ATAD2: variants seen among roughly 807,000 people sequenced by gnomAD.
The protein encoded by ATAD2 is ATPase family AAA domain-containing protein 2.
In ATAD2, 62 loss-of-function variants were observed where a neutral mutation model predicts 168.9. The observed-to-expected ratio is 0.37, with a 90% CI of 0.30 to 0.45. ATAD2 has a LOEUF of 0.45. ATAD2 is among the 20% of genes least tolerant of loss of function. The pLI is 1.00. For synonymous variants in ATAD2, 613 were observed against 571.6 expected, an observed-to-expected ratio of 1.07 and a Z score of -1.03; for missense variants, 1,419 against 1,667.8, an observed-to-expected ratio of 0.85 and a Z score of 2.60.
At chr8:123,357,860 A>G (rs571060510) in intron 11 of ATAD2, 124 bp from the exon 12 acceptor site, 3 of 994,502 alleles carry the variant, frequency 3.0e-6, no homozygotes, top group East Asian at 2.7e-5. Context: ...CAACTGAATT[A>G]TGGTACAGTT....
intron 24 of ATAD2, among the ~76,000 whole-genome samples, chr8:123,331,304 A>G (rs1413805614): frequency 1.3e-5 from 2 of 151,692 alleles, no homozygotes; most frequent in African/African-American, 4.9e-5. Flanking sequence ...CAGTGATGCA[A>G]TCTGGCTCAC....
chr8:123,352,638 C>A (rs1432532156), intron 13 of ATAD2: 1 of 150,330 alleles, frequency 6.7e-6, no homozygotes, highest in African/African-American at 2.5e-5. Flanking sequence ...TTTGGTTGCA[C>A]TGGAAAGAAA....
At chr8:123,356,114 G>A (rs1248476780) in intron 13 of ATAD2, 2 of 168,366 alleles carry the variant, frequency 1.2e-5, no homozygotes, top group Non-Finnish European at 2.5e-5. Flanking sequence ...TTTTTTAGTA[G>A]AGACAGGATT....
At chr8:123,387,220 A>G (rs920762770) in intron 1 of ATAD2, among the ~76,000 whole-genome samples, 1 of 152,130 alleles carries the variant, frequency 6.6e-6, no homozygotes, top group Non-Finnish European at 1.5e-5. Flanking sequence ...CATGTCATTA[A>G]ATATTACTCT....
At chr8:123,338,827 G>A (rs966042481) in intron 20 of ATAD2, among the ~76,000 whole-genome samples, 13 of 152,130 alleles carry the variant, frequency 8.5e-5, no homozygotes, top group Non-Finnish European at 1.2e-4. Context: ...GAGCCCAGGA[G>A]GTTGAGGCTG....
At chr8:123,370,728 A>G (rs1829126017) in intron 6 of ATAD2, among the ~76,000 whole-genome samples, 175 bp downstream of exon 6, 1 of 152,102 alleles carries the variant, frequency 6.6e-6, no homozygotes, top group South Asian at 2.1e-4. Flanking sequence ...TACTTTCCCA[A>G]ACAAAACATA....
At chr8:123,351,633 A>G (rs1169732878) in intron 13 of ATAD2, among the ~76,000 whole-genome samples, 1 of 152,204 alleles carries the variant, frequency 6.6e-6, no homozygotes, top group African/African-American at 2.4e-5. Context: ...TGGCCTGTAT[A>G]GGACAGGAAG....
chr8:123,379,562 ATTTT>A (rs67580328), intron 2 of ATAD2, among the ~76,000 whole-genome samples: 3 of 130,032 alleles, frequency 2.3e-5, no homozygotes. Context: ...GTACATACTA[ATTTT>A]TTTTTTTTTT....
chr8:123,387,454 C>T (rs965401785), intron 1 of ATAD2, among the ~76,000 whole-genome samples: 5 of 152,128 alleles, frequency 3.3e-5, no homozygotes, highest in African/African-American at 4.8e-5. Context: ...CAGTAATTAA[C>T]ATTGGATGAC....
At chr8:123,378,995 G>A (rs778270744) in intron 2 of ATAD2, among the ~76,000 whole-genome samples, 2 of 151,792 alleles carry the variant, frequency 1.3e-5, no homozygotes, top group Non-Finnish European at 2.9e-5. Context: ...AGAGGGTCTC[G>A]TTATGTTGCC....
At chr8:123,338,053 C>T (rs1827966509) in intron 20 of ATAD2, among the ~76,000 whole-genome samples, 2 of 141,996 alleles carry the variant, frequency 1.4e-5, no homozygotes, top group Admixed American at 6.6e-5. Flanking sequence ...TACCTCTGTT[C>T]CTTTAAGATA....
At chr8:123,411,390 C>T (rs763599514) in intron 1 of ATAD2, among the ~76,000 whole-genome samples, 10 of 152,108 alleles carry the variant, frequency 6.6e-5, no homozygotes, top group Non-Finnish European at 8.8e-5. Context: ...TTAGAGCAGT[C>T]GTCGGCGAAC....
chr8:123,367,840 T>A (rs1829027612), intron 8 of ATAD2, among the ~76,000 whole-genome samples: 1 of 152,216 alleles, frequency 6.6e-6, no homozygotes, highest in Non-Finnish European at 1.5e-5. Flanking sequence ...ATAGTATTTT[T>A]TATTTTTCCT....
intron 1 of ATAD2, among the ~76,000 whole-genome samples, chr8:123,382,471 A>G (rs979944833): frequency 3.3e-5 from 5 of 152,222 alleles, no homozygotes; most frequent in Admixed American, 2.6e-4. Flanking sequence ...TACATCTTAG[A>G]TCAGTGTAGT....
chr8:123,396,364 T>G lies in ATAD2; in HGVS notation c.-7A>C, dbSNP rs777942374. ...TGCTGCGGAGAACCACCATCTTCTC[T>G]CCCTACTGGCCTCGGCGTGCGCGAC... On this transcript the variant is annotated 5_prime_UTR_variant, in exon 1 of 28. Coordinates refer to ENST00000287394, the MANE Select transcript of ATAD2 (RefSeq NM_014109.4). 6.3e-7 allele frequency: 1 copy of G among 1,577,792 alleles called. No homozygotes were observed. Among genetic ancestry groups the G allele is most frequent in the Admixed American group, 1.7e-5 (1 of 58,156 alleles).
At chr8:123,369,037 A>G (rs768278884) in intron 8 of ATAD2, 21 bp downstream of exon 8, 10 of 1,396,842 alleles carry the variant, frequency 7.2e-6, no homozygotes, top group Admixed American at 1.8e-5. Context: ...TCATAAATCA[A>G]TCACTATATC....
chr8:123,386,337 G>A (rs974998111), intron 1 of ATAD2, among the ~76,000 whole-genome samples: 1 of 152,100 alleles, frequency 6.6e-6, no homozygotes, highest in Non-Finnish European at 1.5e-5. Context: ...ATTCCTTCTT[G>A]TTTAAAAAAG....
Position 123,396,289 on chromosome 8 carries a change from G to A in ATAD2, c.69C>T (p.Asp23=). The stretch of plus-strand genomic sequence containing the variant: ...CCAGACTGAGGAAGTCACTGGACAG[G>A]TCCAAGGAGCCCGTGGCCGAGGCCG... ...HSAASATGSL[D]LSSDFLSLEH... The change falls in exon 1 of 28, where the codon GAC becomes GAT. Residue 23 remains aspartate, a synonymous_variant. Coordinates refer to ENST00000287394, the MANE Select transcript of ATAD2 (RefSeq NM_014109.4). 1.2e-6 allele frequency: 2 copies of A among 1,611,016 alleles called. No homozygotes were observed. Among genetic ancestry groups the A allele is most frequent in the African/African-American group, 1.3e-5 (1 of 74,952 alleles).
At chr8:123,347,689 C>T (rs150716071) in intron 15 of ATAD2, among the ~76,000 whole-genome samples, 150 of 152,290 alleles carry the variant, frequency 9.8e-4, no homozygotes, top group African/African-American at 3.5e-3. Flanking sequence ...ACTAGATTCA[C>T]ATTCCAGTTT....
Sources: allele counts gnomAD v4.1 joint callset (sites outside exome capture counted in the v4.1 genomes callset), GRCh38; gene constraint gnomAD v4.1.1; transcripts MANE v1.5; gene names NCBI Gene and HGNC (gene_info 2026-07-23, HGNC 2026-07-21).